Variants in LAPTM4A observed in about 807,000 individuals in gnomAD.
The protein encoded by LAPTM4A is lysosomal-associated transmembrane protein 4A.
A neutral mutation model predicts 29.9 loss-of-function variants in LAPTM4A; 19 were observed. The observed-to-expected ratio is 0.64, with a 90% CI of 0.44 to 0.93. The LOEUF (loss-of-function observed/expected upper bound fraction) is 0.93. Among genes scored for constraint, LAPTM4A ranks in the 40% least tolerant of loss-of-function variants. The pLI is 0.00. For missense variants in LAPTM4A, 293 were observed against 288.5 expected (o/e 1.02, Z -0.11); for synonymous variants, 105 against 102.1 (o/e 1.03, Z -0.17).
chr2:20,046,198 A>C (rs11695154), intron 1 of LAPTM4A, among the ~76,000 whole-genome samples: 1 of 152,012 alleles, frequency 6.6e-6, no homozygotes, highest in South Asian at 2.1e-4. Context: ...AGGGCCTGTC[A>C]GCGGGTGGCG....
chr2:20,039,527 G>A (rs1673748763), intron 2 of LAPTM4A, among the ~76,000 whole-genome samples: 2 of 152,126 alleles, frequency 1.3e-5, no homozygotes, highest in Non-Finnish European at 2.9e-5. Flanking sequence ...GCTGAAGTGG[G>A]AGGGTCCCTT....
intron 6 of LAPTM4A, among the ~76,000 whole-genome samples, chr2:20,033,635 T>G (rs774954240): frequency 3.9e-5 from 6 of 152,194 alleles, no homozygotes; most frequent in Middle Eastern, 3.2e-3. Flanking sequence ...GGTTAAACCA[T>G]GCAATAGGAA....
intron 2 of LAPTM4A, among the ~76,000 whole-genome samples, chr2:20,038,875 G>A (rs1166757303): frequency 1.3e-5 from 2 of 151,222 alleles, no homozygotes; most frequent in African/African-American, 4.9e-5. Context: ...AATGATGAAT[G>A]ACTAGAACAA....
chr2:20,034,924 G>T, intron 5 of LAPTM4A, 43 bp downstream of exon 5: 1 of 1,369,824 alleles, frequency 7.3e-7, no homozygotes, highest in Non-Finnish European at 1.0e-6. Context: ...TAGATTCACA[G>T]TGTCAATCTC....
chr2:20,036,745 G>A (rs1389987385), intron 4 of LAPTM4A, among the ~76,000 whole-genome samples: 1 of 152,144 alleles, frequency 6.6e-6, no homozygotes, highest in East Asian at 1.9e-4. Flanking sequence ...CCAGCCCAGA[G>A]TTTTCCCTGC....
At chr2:20,046,223 T>TA (rs751147012) in intron 1 of LAPTM4A, among the ~76,000 whole-genome samples, 1 of 152,014 alleles carries the variant, frequency 6.6e-6, no homozygotes, top group Non-Finnish European at 1.5e-5. Context: ...GGGGGAGGGA[T>TA]AGCATTAGGA....
At chr2:20,042,504 A>G (rs565280159) in intron 1 of LAPTM4A, among the ~76,000 whole-genome samples, 1 of 152,344 alleles carries the variant, frequency 6.6e-6, no homozygotes, top group East Asian at 1.9e-4. Flanking sequence ...TGAATTTAGG[A>G]TCAGCATGTA....
chr2:20,033,372 G>C, intron 6 of LAPTM4A, 93 bp from the exon 7 acceptor site: 1 of 990,468 alleles, frequency 1.0e-6, no homozygotes, highest in East Asian at 2.5e-5. Context: ...CCTAAATAGG[G>C]TTATACAAAA....
At chr2:20,043,852 T>A (rs1673858563) in intron 1 of LAPTM4A, among the ~76,000 whole-genome samples, 1 of 152,234 alleles carries the variant, frequency 6.6e-6, no homozygotes, top group African/African-American at 2.4e-5. Flanking sequence ...ATATAACTTG[T>A]GTTAAGCTTG....
At chr2:20,047,983 T>A (rs1034004446) in intron 1 of LAPTM4A, among the ~76,000 whole-genome samples, 1 of 152,162 alleles carries the variant, frequency 6.6e-6, no homozygotes, top group Non-Finnish European at 1.5e-5. Flanking sequence ...AAACAAGCTA[T>A]GCTTACTTGA....
At chr2:20,051,311 C>T in intron 1 of LAPTM4A, 99 bp downstream of exon 1, 1 of 757,448 alleles carries the variant, frequency 1.3e-6, no homozygotes, top group Non-Finnish European at 2.3e-6. Context: ...CCTCCAAGTC[C>T]CCGCCCCACC....
At chr2:20,049,581 T>C (rs745851274) in intron 1 of LAPTM4A, among the ~76,000 whole-genome samples, 7 of 152,258 alleles carry the variant, frequency 4.6e-5, no homozygotes, top group Non-Finnish European at 7.3e-5. Flanking sequence ...TCTATTCATT[T>C]TCTAGCTGAG....
intron 4 of LAPTM4A, 21 bp from the exon 5 acceptor site, chr2:20,035,083 C>A: frequency 6.5e-7 from 1 of 1,542,432 alleles, no homozygotes; most frequent in Non-Finnish European, 9.0e-7. Context: ...AACACACACA[C>A]ATTTACAAGT....
rs763775843 is a variant in LAPTM4A at position 20,033,289 on chromosome 2, G to GA, written c.628-11dup. 32 of 1,606,698 alleles carry GA rather than the reference G, an allele frequency of 2.0e-5. No individual in the cohort carries two copies. Among genetic ancestry groups the GA allele is most frequent in the African/African-American group, 4.0e-5 (3 of 74,854 alleles). ...AGGTTGGCAAAACGTACTAAAGAGAGAAAAAAAATTGTATCAGATTTAATT... is the reference window on the plus strand; with the variant it reads ...AGGTTGGCAAAACGTACTAAAGAGAGAAAAAAAAATTGTATCAGATTTAATT... On this transcript the variant is annotated splice_polypyrimidine_tract_variant and intron_variant, in intron 6 of 6. Transcript: ENST00000175091.
chr2:20,037,962 G>A (rs1673716028), intron 2 of LAPTM4A, among the ~76,000 whole-genome samples: 1 of 152,138 alleles, frequency 6.6e-6, no homozygotes, highest in South Asian at 2.1e-4. Context: ...ATAATCCAAT[G>A]TGTCAAGTGC....
intron 1 of LAPTM4A, among the ~76,000 whole-genome samples, chr2:20,042,854 T>C (rs1474278100): frequency 2.0e-5 from 3 of 152,202 alleles, no homozygotes; most frequent in East Asian, 1.9e-4. Flanking sequence ...TCTAGCATAG[T>C]AAAGTTCACA....
chr2:20,050,751 C>G (rs970574760), intron 1 of LAPTM4A, among the ~76,000 whole-genome samples: 10 of 152,208 alleles, frequency 6.6e-5, no homozygotes, highest in Non-Finnish European at 1.0e-4. Context: ...TCTGTAAAAA[C>G]AGCCGGTCGG....
At position 20,037,624 on chromosome 2, in the gene LAPTM4A, CA is replaced by C; in HGVS notation, c.233-11del. On this transcript the variant is annotated splice_polypyrimidine_tract_variant and intron_variant, in intron 2 of 6. Coordinates refer to ENST00000175091, the MANE Select transcript of LAPTM4A (RefSeq NM_014713.5). ...AGAACACAGGCATTATCTAAGAAAACAAAAACAAAAATCTAATTAAGCTACT... is the reference window on the plus strand; with the variant it reads ...AGAACACAGGCATTATCTAAGAAAACAAAACAAAAATCTAATTAAGCTACT... 1.3e-6 allele frequency: 2 copies of C among 1,566,138 alleles called. No homozygotes were observed. Among genetic ancestry groups the C allele is most frequent in the Non-Finnish European group, 8.7e-7 (1 of 1,150,478 alleles).
In LAPTM4A at chr2:20,032,891, T is replaced by C; in HGVS notation, c.*314A>G. 2 of 312,994 alleles carry C rather than the reference T, an allele frequency of 6.4e-6. No homozygotes were observed. Among genetic ancestry groups the C allele is most frequent in the Non-Finnish European group, 1.2e-5 (2 of 168,128 alleles). 19.4% of individuals were successfully genotyped at this position (312,994 alleles called of 1,614,324 possible). A position where few individuals can be genotyped will look rare whatever the true frequency, so the allele number is the denominator to read the frequency against. On this transcript the variant is annotated 3_prime_UTR_variant, in exon 7 of 7. Transcript: ENST00000175091. The stretch of plus-strand genomic sequence containing the variant: ...AATGCAAACGATTATATAAAGAAAG[T>C]GCAGTTAAAAAGGAAACTATGTGGC...
Sources: gnomAD v4.1 joint callset for allele counts (sites outside exome capture counted in the v4.1 genomes callset) on GRCh38, gnomAD v4.1.1 for gene constraint, MANE v1.5 for transcripts, NCBI Gene and HGNC (gene_info 2026-07-23, HGNC 2026-07-21) for gene names.